The following CDH22 variants were observed in gnomAD, a reference collection of about 807,000 sequenced individuals.
The protein encoded by CDH22 is cadherin 22.
A neutral mutation model predicts 58.4 loss-of-function variants in CDH22; 30 were observed. The observed-to-expected ratio is 0.51, with a 90% CI of 0.38 to 0.70. The LOEUF is 0.70. Ranked by LOEUF, CDH22 falls within the 30% of genes least tolerant of loss-of-function variation. CDH22 has a pLI of 0.00. For missense variants in CDH22, 1,014 were observed against 1,233.9 expected, an observed-to-expected ratio of 0.82 and a Z score of 2.67; for synonymous variants, 513 against 558.2, an observed-to-expected ratio of 0.92 and a Z score of 1.14.
rs1236135449 is a variant in CDH22 at position 46,291,506 on chromosome 20, G to A, written c.-400+16749C>T. The stretch of plus-strand genomic sequence containing the variant: ...TGCATAAGATCCCATAGCCCTGAGC[G>A]GCCCTGCTGGCTCCAGAGCTGGCTC... On this transcript the variant is annotated intron_variant, in intron 1 of 11. Transcript: ENST00000537909. 4.6e-5 allele frequency among the ~76,000 whole-genome samples: 7 copies of A among 152,296 alleles called. No individual in the cohort carries two copies. In the East Asian group the frequency reaches 9.7e-4, roughly 21 times the overall value.
intron 4 of CDH22, among the ~76,000 whole-genome samples, chr20:46,223,669 CTTT>C (rs2086144621): frequency 6.4e-5 from 3 of 46,718 alleles, no homozygotes; most frequent in Non-Finnish European, 8.4e-5. Context: ...TTCTTTCCTT[CTTT>C]CTTTCTTTCT....
At chr20:46,255,887 C>T (rs1221038617) in intron 1 of CDH22, among the ~76,000 whole-genome samples, 1 of 152,150 alleles carries the variant, frequency 6.6e-6, no homozygotes, top group Non-Finnish European at 1.5e-5. Flanking sequence ...CGTTGGTGGC[C>T]TTCCCTGGTC....
chr20:46,195,831 G>T (rs911797262), intron 8 of CDH22, among the ~76,000 whole-genome samples: 2 of 152,296 alleles, frequency 1.3e-5, no homozygotes, highest in Admixed American at 6.5e-5. Context: ...TAAGTGGCTC[G>T]GGAGTCTTTG....
intron 1 of CDH22, among the ~76,000 whole-genome samples, chr20:46,274,199 G>A (rs2086506079): frequency 6.6e-6 from 1 of 152,068 alleles, no homozygotes; most frequent in South Asian, 2.1e-4. Context: ...TTCATGCTTT[G>A]GCTGCGTGGA....
intron 2 of CDH22, among the ~76,000 whole-genome samples, chr20:46,243,933 G>A (rs2086310476): frequency 6.6e-6 from 1 of 152,206 alleles, no homozygotes; most frequent in African/African-American, 2.4e-5. Context: ...ACATGGCTAA[G>A]TGTGGAAAGC....
At chr20:46,208,844 C>T (rs901630099) in intron 7 of CDH22, among the ~76,000 whole-genome samples, 16 of 152,192 alleles carry the variant, frequency 1.1e-4, no homozygotes, top group Admixed American at 8.5e-4. Flanking sequence ...CTGCCCGCCT[C>T]GGCCTCCCAA....
intron 2 of CDH22, among the ~76,000 whole-genome samples, chr20:46,244,533 A>G (rs1188479607): frequency 1.3e-5 from 2 of 152,220 alleles, no homozygotes; most frequent in African/African-American, 2.4e-5. Flanking sequence ...TGTGTCAGAC[A>G]TGTGTTGCAG....
rs752285113 is a variant in CDH22 at position 46,241,111 on chromosome 20, C to T, written c.402G>A (p.Thr134=). The T allele has an allele frequency of 3.1e-6, 5 of 1,614,052 alleles. No homozygotes were observed. The South Asian group carries it at 3.3e-5, about 11-fold the overall frequency. The stretch of plus-strand genomic sequence containing the variant: ...CGCGATCCCGAGCCTGGGCCCGCAG[C>T]GTGTAGAAGGTTTTCTGCTCGCGGT... The part of the protein sequence containing the change: ...RLDREQKTFY[T]LRAQARDRAT... Residue 134 remains threonine (T), a synonymous_variant, in exon 3 of 12, where the codon ACG becomes ACA. Coordinates refer to ENST00000537909, the MANE Select transcript of CDH22 (RefSeq NM_021248.3). This position sits in a 1 kb window ranked among gnomAD's most constrained non-coding sequence, Gnocchi z 5.2.
chr20:46,195,622 C>CG (rs940890664), intron 8 of CDH22, among the ~76,000 whole-genome samples: 9 of 150,720 alleles, frequency 6.0e-5, no homozygotes, highest in Admixed American at 5.9e-4. Context: ...AGACCCCCCC[C>CG]CCACCCAGTC....
intron 6 of CDH22, among the ~76,000 whole-genome samples, chr20:46,212,738 G>A (rs2145690865): frequency 6.6e-6 from 1 of 152,318 alleles, no homozygotes; most frequent in African/African-American, 2.4e-5. Context: ...GAGTGTTTGA[G>A]GGTGTGGATT....
At chr20:46,253,569 AGCCCTGCTCCGCAAG>A (rs1172541440) in intron 1 of CDH22, among the ~76,000 whole-genome samples, 1 of 152,164 alleles carries the variant, frequency 6.6e-6, no homozygotes. Context: ...CAACCCTGGC[AGCCCTGCTCCGCAAG>A]CCCTGCTCTG....
chr20:46,210,401 A>G lies in CDH22; in HGVS notation c.1192T>C (p.Ser398Pro). The G allele has an allele frequency of 1.4e-6, 2 of 1,463,968 alleles. No individual in the cohort carries two copies. Among genetic ancestry groups the G allele is most frequent in the South Asian group, 1.4e-5 (1 of 72,392 alleles). The allele number at this position is 1,463,968 out of a possible 1,614,324, so 90.7% of individuals were successfully genotyped here. Residue 398 changes from serine (S) to proline (P), a missense_variant, in exon 7 of 12, where the codon TCC (serine) becomes CCC (proline). Ser to Pro is a moderately conservative substitution (Grantham distance 74, BLOSUM62 -1). This residue lies in a region of CDH22 where 806 missense variants were observed against 1,038.7 expected (regional missense o/e 0.78). Transcript: ENST00000537909. This position sits in a 1 kb window ranked among gnomAD's most constrained non-coding sequence, Gnocchi z 4.5. Reference protein sequence around the residue: ...VDEPPEFRPPSGLLEVQEDAQ... With the variant: ...VDEPPEFRPPPGLLEVQEDAQ... ...TCCTCCTGCACCTCCAGGAGGCCGGAGGGCGGCCGGAACTCGGGGGGCTCG... is the reference window on the plus strand; with the variant it reads ...TCCTCCTGCACCTCCAGGAGGCCGGGGGGCGGCCGGAACTCGGGGGGCTCG...
At chr20:46,223,816 T>TCC (rs1274095391) in intron 4 of CDH22, among the ~76,000 whole-genome samples, 7 of 25,926 alleles carry the variant, frequency 2.7e-4, no homozygotes, top group African/African-American at 7.2e-4. Flanking sequence ...CTTTCTTCCT[T>TCC]TCTTCCTTCC....
chr20:46,227,524 G>A lies in CDH22; in HGVS notation c.654C>T (p.Thr218=), dbSNP rs1350908831. Residue 218 remains threonine, a synonymous_variant, in exon 4 of 12, where the codon ACC becomes ACT. Transcript: ENST00000537909. ...GCCCCTCACCGGTCTTGGGGTCCAC[G>A]GTGAAGTGGTGCTCGCCGTCCAGCA... is the stretch of plus-strand genomic sequence containing the variant. ...YSVLDGEHHF[T]VDPKTGVIRT... is the part of the protein sequence containing the mutation. 7 of 1,389,930 alleles carry A rather than the reference G, an allele frequency of 5.0e-6. No homozygotes were observed. The highest frequency in any genetic ancestry group is 5.8e-6 in the Non-Finnish European group (6 of 1,041,460). 86.1% of individuals were successfully genotyped at this position (1,389,930 alleles called of 1,614,324 possible).
intron 1 of CDH22, among the ~76,000 whole-genome samples, chr20:46,306,701 A>T (rs1164227647): frequency 6.6e-6 from 1 of 152,212 alleles, no homozygotes; most frequent in Non-Finnish European, 1.5e-5. Flanking sequence ...AAACTGAGGC[A>T]GACAGGATAG....
Position 46,174,603 on chromosome 20 carries a change from T to C in CDH22, c.2390A>G (p.Gln797Arg), listed in dbSNP as rs775370890. The C allele has an allele frequency of 6.5e-7, 1 of 1,536,566 alleles. No individual in the cohort carries two copies. The highest frequency in any genetic ancestry group is 1.2e-5 in the South Asian group (1 of 83,458). Residue 797 changes from glutamine (Q) to arginine (R), a missense_variant, in exon 12 of 12, where the codon CAG (glutamine) becomes CGG (arginine). Coordinates refer to ENST00000537909, the MANE Select transcript of CDH22 (RefSeq NM_021248.3). The surrounding 1 kb of genome is among the most constrained non-coding windows in gnomAD (Gnocchi z 4.4). ...SLHSGSSGSE[Q>R]DFAYLSSWGP... Reference sequence around the variant, plus strand: ...CCAGCTGCTGAGATAGGCGAAGTCCTGCTCGGAGCCCGACGAGCCGCTGTG... The same window carrying C: ...CCAGCTGCTGAGATAGGCGAAGTCCCGCTCGGAGCCCGACGAGCCGCTGTG...
intron 1 of CDH22, among the ~76,000 whole-genome samples, chr20:46,294,607 A>G (rs1253024270): frequency 6.6e-6 from 1 of 152,212 alleles, no homozygotes; most frequent in Non-Finnish European, 1.5e-5. Context: ...AACCAGGGAA[A>G]AGAATGGCCC....
chr20:46,262,037 G>A (rs1475589272), intron 1 of CDH22, among the ~76,000 whole-genome samples: 3 of 151,992 alleles, frequency 2.0e-5, no homozygotes, highest in Non-Finnish European at 2.9e-5. Flanking sequence ...ACCACATCCC[G>A]GCACCAAGGA....
intron 1 of CDH22, among the ~76,000 whole-genome samples, chr20:46,307,599 G>T (rs1169265806): frequency 1.3e-5 from 2 of 152,178 alleles, no homozygotes; most frequent in African/African-American, 4.8e-5. Context: ...GGCAGGGGGG[G>T]TCGCGCCGGT....
Sources: allele counts gnomAD v4.1 joint callset (sites outside exome capture counted in the v4.1 genomes callset), GRCh38; gene constraint gnomAD v4.1.1; regional missense constraint gnomAD v4.1.1; non-coding constraint Gnocchi (gnomAD v3.1); transcripts MANE v1.5; gene names NCBI Gene and HGNC (gene_info 2026-07-23, HGNC 2026-07-21).